Variants in ASB1 observed in about 807,000 individuals in gnomAD.
The protein encoded by ASB1 is ankyrin repeat and SOCS box containing 1, also known as ankyrin repeat and SOCS box protein 1.
ASB1 carries 18 observed loss-of-function variants against 27.7 expected under a neutral mutation model. The observed-to-expected ratio is 0.65, with a 90% CI of 0.45 to 0.96. The LOEUF is 0.96. ASB1 is among the 50% of genes least tolerant of loss of function. The pLI, the probability that ASB1 is intolerant of heterozygous loss-of-function variation, is 0.00. For missense variants in ASB1, 397 were observed against 451.7 expected (o/e 0.88, Z 1.10); for synonymous variants, 189 against 187.6 (o/e 1.01, Z -0.06).
At chr2:238,427,710 C>T (rs1473874474) in intron 1 of ASB1, 1 of 152,498 alleles carries the variant, frequency 6.6e-6, no homozygotes, top group Middle Eastern at 3.4e-3. Flanking sequence ...AAATAACTGT[C>T]CTACTTAGGG....
At chr2:238,433,752 A>G (rs2106403927) in intron 2 of ASB1, 57 bp downstream of exon 2, 3 of 1,591,612 alleles carry the variant, frequency 1.9e-6, no homozygotes, top group East Asian at 2.2e-5. Flanking sequence ...GTCTGTGTGA[A>G]GCTGAGCCCC....
chr2:238,444,797 C>CA, intron 4 of ASB1, 70 bp downstream of exon 4: 1 of 1,484,706 alleles, frequency 6.7e-7, no homozygotes, highest in Non-Finnish European at 8.9e-7. Flanking sequence ...TAGCAATAAA[C>CA]AAAAAACAAA....
chr2:238,427,016 T>A lies in ASB1; in HGVS notation c.-55T>A, dbSNP rs1701766531. On this transcript the variant is annotated 5_prime_UTR_variant, in exon 1 of 5. Transcript: ENST00000264607. Reference sequence around the variant, plus strand: ...CGGAAGTGGTCGCGGGTCGTTCTGCTTCCTGCCCGAGGGGCGTGCGCGGGT... The same window carrying A: ...CGGAAGTGGTCGCGGGTCGTTCTGCATCCTGCCCGAGGGGCGTGCGCGGGT... 8.2e-7 allele frequency: 1 copy of A among 1,226,196 alleles called. No individual in the cohort carries two copies. The allele number at this position is 1,226,196 out of a possible 1,614,324, so 76.0% of individuals were successfully genotyped here.
chr2:238,431,715 A>G (rs1413624741), intron 1 of ASB1, among the ~76,000 whole-genome samples: 2 of 151,950 alleles, frequency 1.3e-5, no homozygotes, highest in South Asian at 2.1e-4. Context: ...CCTAATTTCA[A>G]TATTGTGTCT....
chr2:238,446,658 G>A lies in ASB1; in HGVS notation c.*147G>A. On this transcript the variant is annotated 3_prime_UTR_variant, in exon 5 of 5. Transcript: ENST00000264607. ...CGTAGACTGTCATTGCTCCTCAGGTGCCTGGGCCGCTGAACAGTCCTTGGG... is the reference window on the plus strand; with the variant it reads ...CGTAGACTGTCATTGCTCCTCAGGTACCTGGGCCGCTGAACAGTCCTTGGG... The A allele has an allele frequency of 4.9e-6, 5 of 1,018,222 alleles. No individual in the cohort carries two copies. Among genetic ancestry groups the A allele is most frequent in the Non-Finnish European group, 7.4e-6 (5 of 672,542 alleles). The allele number at this position is 1,018,222 out of a possible 1,614,324, so 63.1% of individuals were successfully genotyped here. A position where few individuals can be genotyped will look rare whatever the true frequency, so the allele number is the denominator to read the frequency against.
rs1702297236 is a variant in ASB1, at chr2:238,452,092, G to C, written c.*5581G>C. The C allele has an allele frequency of 6.6e-6, 1 of 152,192 alleles. No homozygotes were observed. The highest frequency in any genetic ancestry group is 1.5e-5 in the Non-Finnish European group (1 of 68,044). 9.4% of individuals were successfully genotyped at this position (152,192 alleles called of 1,614,324 possible). A position where few individuals can be genotyped will look rare whatever the true frequency, so the allele number is the denominator to read the frequency against. ...GGTACCGTTGTCCCCACAGTGTTCCGTGGGGTAGGGGGTGATGGAGACTGT... is the reference window on the plus strand; with the variant it reads ...GGTACCGTTGTCCCCACAGTGTTCCCTGGGGTAGGGGGTGATGGAGACTGT... On this transcript the variant is annotated 3_prime_UTR_variant, in exon 5 of 5. Coordinates refer to ENST00000264607, the MANE Select transcript of ASB1 (RefSeq NM_001040445.3).
rs374639751 is a variant in ASB1 at position 238,444,492 on chromosome 2, C to T, written c.645C>T (p.Gly215=). 2.4e-5 allele frequency: 38 copies of T among 1,614,198 alleles called. No individual in the cohort carries two copies. In the African/African-American group the frequency reaches 3.2e-4, roughly 14 times the overall value. The part of the protein sequence containing the change: ...LQCFRLLLLA[G]ANPDFNCNGP... ...GCTTCCGGCTGCTCCTCCTGGCTGG[C>T]GCGAACCCTGACTTCAACTGCAATG... The change falls in exon 4 of 5, where the codon GGC becomes GGT. Residue 215 remains glycine (G), a synonymous_variant. Transcript: ENST00000264607.
intron 1 of ASB1, among the ~76,000 whole-genome samples, chr2:238,428,749 C>G (rs749028893): frequency 3.1e-4 from 47 of 152,286 alleles, no homozygotes; most frequent in Non-Finnish European, 5.7e-4. Flanking sequence ...GAAACACAAA[C>G]TTGAAGTTGC....
chr2:238,446,476 C>T lies in ASB1; in HGVS notation c.973C>T (p.Pro325Ser). 1 of 1,614,160 alleles carries T rather than the reference C, an allele frequency of 6.2e-7. No individual in the cohort carries two copies. Among genetic ancestry groups the T allele is most frequent in the Non-Finnish European group, 8.5e-7 (1 of 1,180,020 alleles). ...RLHLIPSLPL[P>S]DPIKKFLLHE is the part of the protein sequence containing the mutation. ...TCATCTGATTCCTTCGCTGCCTCTG[C>T]CAGACCCCATAAAGAAGTTTCTACT... is the stretch of plus-strand genomic sequence containing the variant. Residue 325 changes from proline (P) to serine (S), a missense_variant, in exon 5 of 5, where the codon CCA becomes TCA. Transcript: ENST00000264607.
intron 4 of ASB1, among the ~76,000 whole-genome samples, 177 bp downstream of exon 4, chr2:238,444,904 A>ATCCAAGATAT: frequency 6.6e-6 from 1 of 152,066 alleles, no homozygotes; most frequent in Non-Finnish European, 1.5e-5. Flanking sequence ...ATTCCTGAAT[A>ATCCAAGATAT]CCAAGAACTG....
Position 238,435,692 on chromosome 2 carries a change from C to G in ASB1, c.192-19C>G, listed in dbSNP as rs1205562784. On this transcript the variant is annotated intron_variant, in intron 2 of 4. Coordinates refer to ENST00000264607, the MANE Select transcript of ASB1 (RefSeq NM_001040445.3). ...TCCTGCGGCTGCCTCTCATGAGCCC[C>G]CTTGTGTTCCTCCTGCAGCCGCATC... 6.2e-7 allele frequency: 1 copy of G among 1,602,174 alleles called. No individual in the cohort carries two copies. The highest frequency in any genetic ancestry group is 1.1e-5 in the South Asian group (1 of 88,816).
chr2:238,427,152 G>T, intron 1 of ASB1, 33 bp downstream of exon 1: 1 of 1,229,992 alleles, frequency 8.1e-7, no homozygotes, highest in South Asian at 3.5e-5. Context: ...GCCGCGGGGC[G>T]TGTGGGGATG....
chr2:238,443,030 A>G (rs536249290), intron 3 of ASB1, among the ~76,000 whole-genome samples: 1 of 152,268 alleles, frequency 6.6e-6, no homozygotes, highest in South Asian at 2.1e-4. Flanking sequence ...TTACAGATGA[A>G]CTTTATATAT....
At position 238,451,672 on chromosome 2, in the gene ASB1, C is replaced by G. The variant is rs1702287956; in HGVS notation, c.*5161C>G. On this transcript the variant is annotated 3_prime_UTR_variant, in exon 5 of 5. Coordinates refer to ENST00000264607, the MANE Select transcript of ASB1 (RefSeq NM_001040445.3). ...TTCTGCCCTTGTGCCTAGTTAAGAG[C>G]CTTCAAAAGCATAATGAACACTTTT... 1 of 152,608 alleles carries G rather than the reference C, an allele frequency of 6.6e-6. No individual in the cohort carries two copies. The highest frequency in any genetic ancestry group is 1.5e-5 in the Non-Finnish European group (1 of 68,050). The allele number at this position is 152,608 out of a possible 1,614,324, so 9.5% of individuals were successfully genotyped here. A position where few individuals can be genotyped will look rare whatever the true frequency, so the allele number is the denominator to read the frequency against.
Position 238,446,671 on chromosome 2 carries a change from A to G in ASB1, c.*160A>G, listed in dbSNP as rs80098389. On this transcript the variant is annotated 3_prime_UTR_variant, in exon 5 of 5. Transcript: ENST00000264607. ...TGCTCCTCAGGTGCCTGGGCCGCTG[A>G]ACAGTCCTTGGGTCATTGTCAGCTG... 1,018 of 872,506 alleles carry G rather than the reference A, an allele frequency of 1.2e-3. 10 individuals carry two copies. In the African/African-American group the frequency reaches 0.016, roughly 13 times the overall value. The allele number at this position is 872,506 out of a possible 1,614,324, so 54.0% of individuals were successfully genotyped here. A position where few individuals can be genotyped will look rare whatever the true frequency, so the allele number is the denominator to read the frequency against.
intron 2 of ASB1, chr2:238,435,404 C>T: frequency 2.7e-6 from 1 of 377,272 alleles, no homozygotes; most frequent in Non-Finnish European, 4.9e-6. Context: ...ACCCTTCCCA[C>T]CTTTGTAGAG....
Position 238,436,002 on chromosome 2 carries a change from G to T in ASB1, c.483G>T (p.Lys161Asn), listed in dbSNP as rs1474615261. 1.2e-6 allele frequency: 2 copies of T among 1,612,012 alleles called. No homozygotes were observed. Among genetic ancestry groups the T allele is most frequent in the Non-Finnish European group, 1.7e-6 (2 of 1,179,350 alleles). The change falls in exon 3 of 5, where the codon AAG (lysine) becomes AAT (asparagine). Residue 161 changes from lysine (K) to asparagine (N), a missense_variant. By Grantham distance (94) the Lys-to-Asn change is moderately conservative. Transcript: ENST00000264607. ...ASRVGRADIL[K>N]ALIRYGADVD... ...GCGTGGGCCGGGCAGACATCCTGAA[G>T]GCCCTCATCAGGCCAGTACTGTGGA...
chr2:238,439,055 T>G (rs1702026054), intron 3 of ASB1, among the ~76,000 whole-genome samples: 3 of 152,204 alleles, frequency 2.0e-5, no homozygotes, highest in African/African-American at 7.2e-5. Context: ...TTGCCCAAAA[T>G]TACAAACGTT....
At position 238,444,493 on chromosome 2, in the gene ASB1, G is replaced by A. The variant is rs747970208; in HGVS notation, c.646G>A (p.Ala216Thr). The A allele has an allele frequency of 4.3e-6, 7 of 1,614,136 alleles. No individual in the cohort carries two copies. The highest frequency in any genetic ancestry group is 1.1e-5 in the South Asian group (1 of 91,078). ...QCFRLLLLAGANPDFNCNGPV... is the reference protein window; with the variant it reads ...QCFRLLLLAGTNPDFNCNGPV... ...CTTCCGGCTGCTCCTCCTGGCTGGC[G>A]CGAACCCTGACTTCAACTGCAATGG... The change falls in exon 4 of 5, where the codon GCG becomes ACG. Residue 216 changes from alanine (A) to threonine (T), a missense_variant. Transcript: ENST00000264607.
Sources: gnomAD v4.1 joint callset for allele counts (sites outside exome capture counted in the v4.1 genomes callset) on GRCh38, gnomAD v4.1.1 for gene constraint, MANE v1.5 for transcripts, NCBI Gene and HGNC (gene_info 2026-07-23, HGNC 2026-07-21) for gene names.